ADGRL1: variants seen among roughly 807,000 people sequenced by gnomAD.
The protein encoded by ADGRL1 is CIRL-1.
Under a neutral mutation model 148.9 loss-of-function variants are expected in ADGRL1, and 31 were observed. The ratio of observed to expected loss-of-function variants is 0.21; its 90% CI spans 0.16 to 0.28. ADGRL1 has a LOEUF of 0.28. Ranked by LOEUF, ADGRL1 falls within the 10% of genes least tolerant of loss-of-function variation. The pLI is 1.00. For synonymous variants in ADGRL1, 937 were observed against 900.3 expected, an observed-to-expected ratio of 1.04 and a Z score of -0.73; for missense variants, 1,521 against 2,058.8, an observed-to-expected ratio of 0.74 and a Z score of 5.05.
chr19:14,204,515 T>C (rs1349392288), intron 1 of ADGRL1, among the ~76,000 whole-genome samples: 1 of 151,614 alleles, frequency 6.6e-6, no homozygotes, highest in East Asian at 1.9e-4. Flanking sequence ...CCTTGGGGTG[T>C]TGGAGAGAGA....
Position 14,192,563 on chromosome 19 carries a change from C to T in ADGRL1, c.-95-8866G>A, listed in dbSNP as rs11882544. On this transcript the variant is annotated intron_variant, in intron 1 of 22. Transcript: ENST00000361434. Reference sequence around the variant, plus strand: ...GCCTTTTCTTTGTTTTGTTTTGAGACGGAGTCTTGCTCTGTCGCCCAGGCT... The same window carrying T: ...GCCTTTTCTTTGTTTTGTTTTGAGATGGAGTCTTGCTCTGTCGCCCAGGCT... Among the ~76,000 whole-genome samples the T allele has an allele frequency of 6.3e-3, 959 of 151,200 alleles. 9 individuals are homozygous for T. The highest frequency in any genetic ancestry group is 0.022 in the African/African-American group (897 of 41,148).
intron 3 of ADGRL1, among the ~76,000 whole-genome samples, chr19:14,173,041 C>T (rs1049966245): frequency 6.6e-6 from 1 of 152,130 alleles, no homozygotes; most frequent in African/African-American, 2.4e-5. Context: ...CTCACTGCAG[C>T]CTCGGCCTCC....
At chr19:14,205,582 G>A (rs1455953863) in intron 1 of ADGRL1, among the ~76,000 whole-genome samples, 1 of 151,714 alleles carries the variant, frequency 6.6e-6, no homozygotes, top group Non-Finnish European at 1.5e-5. Flanking sequence ...CAAACAGGGC[G>A]CCAAGCACCC....
chr19:14,174,347 G>A (rs1970674222), intron 3 of ADGRL1, among the ~76,000 whole-genome samples: 1 of 152,098 alleles, frequency 6.6e-6, no homozygotes, highest in Admixed American at 6.6e-5. Context: ...ACAGGAAGCG[G>A]GGAAGAGAGG....
Position 14,161,760 on chromosome 19 carries a change from G to A in ADGRL1, c.1196-134C>T. On this transcript the variant is annotated intron_variant, in intron 5 of 22. Transcript: ENST00000361434. This position sits in a 1 kb window ranked among gnomAD's most constrained non-coding sequence, Gnocchi z 4.4. ...GGAAACACGTGCCGGGCCCCACTGG[G>A]TCTATGAGTTGATCTCCCCTGGCCG... The A allele has an allele frequency of 1.7e-6, 1 of 591,450 alleles. No homozygotes were observed. Among genetic ancestry groups the A allele is most frequent in the Non-Finnish European group, 2.6e-6 (1 of 384,322 alleles). The allele number at this position is 591,450 out of a possible 1,614,324, so 36.6% of individuals were successfully genotyped here. A position where few individuals can be genotyped will look rare whatever the true frequency, so the allele number is the denominator to read the frequency against.
rs1473367817 is a variant in ADGRL1, at chr19:14,151,598, G to A, written c.3685C>T (p.Arg1229Trp). Residue 1229 changes from arginine (R) to tryptophan (W), a missense_variant, in exon 23 of 23, where the codon CGG becomes TGG. This residue lies in a region of ADGRL1 where 390 missense variants were observed against 375.0 expected (regional missense o/e 1.04). Coordinates refer to ENST00000361434, the MANE Select transcript of ADGRL1 (RefSeq NM_014921.5). Reference protein sequence around the residue: ...YREPKHPLGGREACGMDTLPL... With the variant: ...YREPKHPLGGWEACGMDTLPL... ...AGGGTGTCCATGCCACAGGCTTCCC[G>A]GCCTCCCAAGGGGTGCTCTGCAGGG... The A allele has an allele frequency of 6.2e-7, 1 of 1,602,084 alleles. No homozygotes were observed. The highest frequency in any genetic ancestry group is 1.3e-5 in the African/African-American group (1 of 74,848).
At chr19:14,166,934 CG>C (rs761143666) in intron 4 of ADGRL1, 6 of 1,391,676 alleles carry the variant, frequency 4.3e-6, no homozygotes, top group Non-Finnish European at 6.1e-6. Flanking sequence ...AAGAAGGGGC[CG>C]GGGGAGGGCA....
chr19:14,157,416 C>T lies in ADGRL1; in HGVS notation c.2580G>A (p.Trp860Ter), dbSNP rs1485930330. ...AGACCAGGGAGATCACAATGCCCACCCAGGTGATGACCGACAGCAGCAGCT... is the reference window on the plus strand; with the variant it reads ...AGACCAGGGAGATCACAATGCCCACTCAGGTGATGACCGACAGCAGCAGCT... ...INELLLSVIT[W>*]VGIVISLVCL... The change falls in exon 14 of 23, where the codon TGG becomes TGA. Residue 860 changes from tryptophan (W) to a stop codon, truncating the protein, a stop_gained. Transcript: ENST00000361434. LOFTEE classifies it high-confidence loss of function. This position sits in a 1 kb window ranked among gnomAD's most constrained non-coding sequence, Gnocchi z 7.5. 1.2e-6 allele frequency: 2 copies of T among 1,614,134 alleles called. No homozygotes were observed. Among genetic ancestry groups the T allele is most frequent in the Non-Finnish European group, 8.5e-7 (1 of 1,180,012 alleles).
chr19:14,192,049 TA>T (rs1971979413), intron 1 of ADGRL1, among the ~76,000 whole-genome samples: 1 of 152,038 alleles, frequency 6.6e-6, no homozygotes, highest in South Asian at 2.1e-4. Flanking sequence ...GCCCCACCCT[TA>T]AGATCTCATT....
At chr19:14,179,496 A>C (rs1283230049) in intron 2 of ADGRL1, among the ~76,000 whole-genome samples, 1 of 151,890 alleles carries the variant, frequency 6.6e-6, no homozygotes, top group African/African-American at 2.4e-5. Context: ...TCCATCAAAC[A>C]AACAAACAAA....
At chr19:14,198,155 G>A (rs1177092891) in intron 1 of ADGRL1, among the ~76,000 whole-genome samples, 2 of 152,026 alleles carry the variant, frequency 1.3e-5, no homozygotes, top group Non-Finnish European at 2.9e-5. Context: ...AGAGTGGAAG[G>A]AGGTGAGGGC....
chr19:14,166,586 G>C (rs888193154), intron 4 of ADGRL1, among the ~76,000 whole-genome samples: 16 of 151,738 alleles, frequency 1.1e-4, no homozygotes, highest in Admixed American at 7.9e-4. Context: ...GAGAGAAAGA[G>C]AGAGAGAGAG....
chr19:14,198,875 C>G (rs1225966736), intron 1 of ADGRL1, among the ~76,000 whole-genome samples: 1 of 152,194 alleles, frequency 6.6e-6, no homozygotes, highest in Non-Finnish European at 1.5e-5. Flanking sequence ...CATCATGGCA[C>G]GTCCACACCA....
rs200823553 is a variant in ADGRL1 at position 14,175,541 on chromosome 19, CACAA to C, written c.284+1986_284+1989del. ...ACACTCATATAACCACATATTCACC[CACAA>C]ACACCCACATTCACACACACATCCA... On this transcript the variant is annotated intron_variant, in intron 3 of 22. Coordinates refer to ENST00000361434, the MANE Select transcript of ADGRL1 (RefSeq NM_014921.5). 9.7e-3 allele frequency among the ~76,000 whole-genome samples: 1,482 copies of C among 152,074 alleles called. 26 individuals are homozygous for C. Among genetic ancestry groups the C allele is most frequent in the African/African-American group, 0.031 (1,291 of 41,476 alleles).
intron 4 of ADGRL1, 175 bp downstream of exon 4, chr19:14,170,507 G>A (rs1213136300): frequency 1.8e-6 from 1 of 554,760 alleles, no homozygotes; most frequent in Non-Finnish European, 3.3e-6. Context: ...CAGGCACTGA[G>A]TGTGGACACT....
In ADGRL1 at chr19:14,159,855, C is replaced by G; in HGVS notation, c.1801-82G>C. The G allele has an allele frequency of 1.6e-6, 2 of 1,280,100 alleles. No individual in the cohort carries two copies. Among genetic ancestry groups the G allele is most frequent in the Non-Finnish European group, 2.3e-6 (2 of 878,008 alleles). 79.3% of individuals were successfully genotyped at this position (1,280,100 alleles called of 1,614,324 possible). A position where few individuals can be genotyped will look rare whatever the true frequency, so the allele number is the denominator to read the frequency against. ...CTAATACTGTCACATCTGGATAGCT[C>G]TCTCGTCTGCGGTTACCACTGACCC... On this transcript the variant is annotated intron_variant, in intron 8 of 22. Transcript: ENST00000361434. This position sits in a 1 kb window ranked among gnomAD's most constrained non-coding sequence, Gnocchi z 6.0.
chr19:14,170,963 T>G, intron 3 of ADGRL1, 172 bp from the exon 4 acceptor site: 1 of 568,146 alleles, frequency 1.8e-6, no homozygotes, highest in East Asian at 3.0e-5. Flanking sequence ...AATCTCATGT[T>G]GAATTGTGAT....
intron 4 of ADGRL1, chr19:14,169,143 T>C (rs1427619858): frequency 1.3e-5 from 2 of 152,240 alleles, no homozygotes; most frequent in African/African-American, 2.4e-5. Flanking sequence ...GAACCAGGCA[T>C]GGGTCTGGGC....
intron 1 of ADGRL1, among the ~76,000 whole-genome samples, chr19:14,188,437 C>T (rs1055907630): frequency 6.6e-6 from 1 of 152,092 alleles, no homozygotes. Context: ...CCAGAGTGGA[C>T]CCCCCAGAGC....
Sources: allele counts gnomAD v4.1 joint callset (sites outside exome capture counted in the v4.1 genomes callset), GRCh38; gene constraint gnomAD v4.1.1; regional missense constraint gnomAD v4.1.1; non-coding constraint Gnocchi (gnomAD v3.1); transcripts MANE v1.5; gene names NCBI Gene and HGNC (gene_info 2026-07-23, HGNC 2026-07-21).